The following FHIT variants were observed in gnomAD, a reference collection of about 807,000 sequenced individuals.
The protein encoded by FHIT is bis(5'-adenosyl)-triphosphatase.
FHIT carries 19 observed loss-of-function variants against 17.9 expected under a neutral mutation model. That is an observed-to-expected ratio of 1.06 (90% CI 0.74 to 1.56). FHIT has a LOEUF of 1.56. FHIT is among the 40% of genes most tolerant of loss of function. FHIT has a pLI of 0.00. For synonymous variants in FHIT, 81 were observed against 69.7 expected (o/e 1.16, Z -0.81); for missense variants, 248 against 189.2 (o/e 1.31, Z -1.82).
chr3:61,248,360 G>A (rs2040535396), intron 1 of FHIT, among the ~76,000 whole-genome samples: 2 of 152,074 alleles, frequency 1.3e-5, no homozygotes, highest in African/African-American at 4.8e-5. Flanking sequence ...GACTGTTTCA[G>A]GAATGTTTAG....
chr3:60,977,168 C>T (rs115940499), intron 3 of FHIT, among the ~76,000 whole-genome samples: 50 of 152,204 alleles, frequency 3.3e-4, no homozygotes, highest in Admixed American at 6.5e-4. Context: ...TAATCACACA[C>T]GGGGTAAAAA....
At chr3:60,152,836 A>G (rs1700524151) in intron 5 of FHIT, among the ~76,000 whole-genome samples, 1 of 152,302 alleles carries the variant, frequency 6.6e-6, no homozygotes, top group East Asian at 1.9e-4. Flanking sequence ...CCAAACCTGT[A>G]GGTTAAAACA....
At chr3:59,893,558 C>T (rs1703943077) in intron 8 of FHIT, among the ~76,000 whole-genome samples, 1 of 152,222 alleles carries the variant, frequency 6.6e-6, no homozygotes. Context: ...AATATGGCAA[C>T]ATTATAAGTG....
In FHIT at chr3:59,924,652, C is replaced by T. The variant is rs1327527258; in HGVS notation, c.280-2238G>A. Among the ~76,000 whole-genome samples the T allele has an allele frequency of 3.3e-5, 5 of 152,170 alleles. No individual in the cohort carries two copies. In the East Asian group the frequency reaches 9.6e-4, roughly 29 times the overall value. ...TTAAACCTGAAGATCAAGTAGACATCACATTCAGGGATTGATTTCTGCACC... is the reference window on the plus strand; with the variant it reads ...TTAAACCTGAAGATCAAGTAGACATTACATTCAGGGATTGATTTCTGCACC... On this transcript the variant is annotated intron_variant, in intron 7 of 9. Coordinates refer to ENST00000492590, the MANE Select transcript of FHIT (RefSeq NM_002012.4).
intron 5 of FHIT, among the ~76,000 whole-genome samples, chr3:60,245,313 C>T (rs977089086): frequency 6.6e-6 from 1 of 152,054 alleles, no homozygotes; most frequent in African/African-American, 2.4e-5. Flanking sequence ...TGTCAACCAT[C>T]AATGCACACA....
chr3:60,139,939 T>C (rs1472013702), intron 5 of FHIT, among the ~76,000 whole-genome samples: 1 of 151,982 alleles, frequency 6.6e-6, no homozygotes, highest in Non-Finnish European at 1.5e-5. Flanking sequence ...CTGGCCAAGA[T>C]GGTGAAACCC....
chr3:60,898,222 C>T (rs1434560120), intron 3 of FHIT, among the ~76,000 whole-genome samples: 1 of 152,056 alleles, frequency 6.6e-6, no homozygotes, highest in African/African-American at 2.4e-5. Context: ...TTTTAAAAGG[C>T]TACATGGTAT....
At chr3:60,590,916 G>A (rs2038063757) in intron 4 of FHIT, among the ~76,000 whole-genome samples, 1 of 152,050 alleles carries the variant, frequency 6.6e-6, no homozygotes, top group South Asian at 2.1e-4. Context: ...CCAGGAGGAA[G>A]CAAACTGATA....
At chr3:60,087,141 G>C (rs1448120392) in intron 5 of FHIT, among the ~76,000 whole-genome samples, 1 of 152,166 alleles carries the variant, frequency 6.6e-6, no homozygotes, top group Non-Finnish European at 1.5e-5. Context: ...GCTATATCTG[G>C]GGCCATTTGA....
At chr3:60,079,024 T>C (rs1576048849) in intron 5 of FHIT, among the ~76,000 whole-genome samples, 1 of 152,094 alleles carries the variant, frequency 6.6e-6, no homozygotes, top group Non-Finnish European at 1.5e-5. Flanking sequence ...CTTGTCTTCA[T>C]TGAGGCTCGG....
intron 8 of FHIT, among the ~76,000 whole-genome samples, chr3:59,893,885 A>C (rs996088917): frequency 5.9e-5 from 9 of 152,248 alleles, no homozygotes; most frequent in Non-Finnish European, 1.2e-4. Context: ...AACTAGCAGT[A>C]GCTCTTGTTG....
intron 2 of FHIT, among the ~76,000 whole-genome samples, chr3:61,077,972 C>T (rs1052066590): frequency 1.3e-5 from 2 of 152,092 alleles, no homozygotes; most frequent in African/African-American, 4.8e-5. Flanking sequence ...CAATAGCCCA[C>T]GGAAAACACC....
chr3:59,759,606 T>C (rs953122015), intron 8 of FHIT, among the ~76,000 whole-genome samples: 1 of 152,214 alleles, frequency 6.6e-6, no homozygotes. Context: ...CTCTCTTCTA[T>C]CATTCACTTC....
At chr3:60,572,192 A>G (rs2037406883) in intron 4 of FHIT, among the ~76,000 whole-genome samples, 1 of 152,150 alleles carries the variant, frequency 6.6e-6, no homozygotes, top group East Asian at 1.9e-4. Context: ...AATATCTCCA[A>G]TATCAAGGCA....
chr3:60,674,891 C>G (rs1490285367), intron 4 of FHIT, among the ~76,000 whole-genome samples: 1 of 152,196 alleles, frequency 6.6e-6, no homozygotes, highest in East Asian at 1.9e-4. Flanking sequence ...TACACTACCT[C>G]CACATGCCCT....
At chr3:59,756,414 C>T (rs1250721103) in intron 8 of FHIT, among the ~76,000 whole-genome samples, 1 of 152,036 alleles carries the variant, frequency 6.6e-6, no homozygotes, top group African/African-American at 2.4e-5. Flanking sequence ...AAGCTAAGGT[C>T]CTATGGTAAA....
chr3:60,620,209 A>C (rs1282008351), intron 4 of FHIT, among the ~76,000 whole-genome samples: 2 of 152,202 alleles, frequency 1.3e-5, no homozygotes, highest in African/African-American at 4.8e-5. Flanking sequence ...TGGGAATGCA[A>C]AATGATATAG....
intron 7 of FHIT, among the ~76,000 whole-genome samples, chr3:59,935,716 T>A (rs937776039): frequency 2.6e-5 from 4 of 151,184 alleles, no homozygotes; most frequent in Non-Finnish European, 5.9e-5. Context: ...AGTGGGTGGG[T>A]GGATGGGTGG....
chr3:60,591,898 C>T (rs781813988), intron 4 of FHIT, among the ~76,000 whole-genome samples: 3 of 151,838 alleles, frequency 2.0e-5, no homozygotes, highest in Non-Finnish European at 4.4e-5. Context: ...AGAGAGAGTT[C>T]GGGGAGCATT....
Sources: gnomAD v4.1 joint callset for allele counts (sites outside exome capture counted in the v4.1 genomes callset) on GRCh38, gnomAD v4.1.1 for gene constraint, MANE v1.5 for transcripts, NCBI Gene and HGNC (gene_info 2026-07-23, HGNC 2026-07-21) for gene names.